Variants in CPZ observed in about 807,000 individuals in gnomAD.
CPZ encodes the protein VEZT/CPZ fusion.
A neutral mutation model predicts 61.8 loss-of-function variants in CPZ; 103 were observed. The ratio of observed to expected loss-of-function variants is 1.67; its 90% CI spans 1.42 to 1.96. The LOEUF is 1.96. CPZ is among the 30% of genes most tolerant of loss of function. The pLI is 0.00. For missense variants in CPZ, 1,461 were observed against 914.9 expected (o/e 1.60, Z -7.70); for synonymous variants, 551 against 373.7 (o/e 1.47, Z -5.47).
chr4:8,612,192 G>GC (rs748050309), intron 8 of CPZ, 30 bp downstream of exon 8: 1 of 356,514 alleles, frequency 2.8e-6, no homozygotes, highest in South Asian at 4.8e-5. Context: ...GGACTGGGCG[G>GC]GGGGTGGGGG....
At chr4:8,606,928 C>G in intron 6 of CPZ, 30 bp downstream of exon 6, 1 of 1,563,524 alleles carries the variant, frequency 6.4e-7, no homozygotes, top group Non-Finnish European at 8.7e-7. Flanking sequence ...ATGCTGGTCT[C>G]CACCAAGGCA....
intron 8 of CPZ, among the ~76,000 whole-genome samples, chr4:8,612,916 T>C (rs1577125437): frequency 6.6e-6 from 1 of 152,172 alleles, no homozygotes; most frequent in Non-Finnish European, 1.5e-5. Flanking sequence ...GCAGAGAAGG[T>C]GGCACTTCTT....
chr4:8,608,123 T>G (rs1273934314), intron 7 of CPZ, among the ~76,000 whole-genome samples: 1 of 132,914 alleles, frequency 7.5e-6, no homozygotes, highest in Non-Finnish European at 1.6e-5. Flanking sequence ...TGATCTGAGG[T>G]GGGCCCCAGC....
rs1279761468 is a variant in CPZ at position 8,603,982 on chromosome 4, T to G, written c.503T>G (p.Leu168Arg). ...YDPLEKLRGGLEADEALPSGL... is the reference protein window; with the variant it reads ...YDPLEKLRGGREADEALPSGL... ...CCCCCCACTGCTCCCCCAGGAGGCC[T>G]GGAGGCTGACGAGGCACTGCCCTCA... Residue 168 changes from leucine to arginine, a missense_variant, in exon 4 of 11, where the codon CTG becomes CGG. Transcript: ENST00000360986. The G allele has an allele frequency of 6.2e-7, 1 of 1,611,936 alleles. No homozygotes were observed. Among genetic ancestry groups the G allele is most frequent in the Non-Finnish European group, 8.5e-7 (1 of 1,179,762 alleles).
intron 6 of CPZ, 59 bp from the exon 7 acceptor site, chr4:8,607,208 A>G: frequency 2.5e-6 from 4 of 1,570,294 alleles, no homozygotes; most frequent in Non-Finnish European, 3.5e-6. Context: ...AGCCCAGGGC[A>G]TGGCTGCGGG....
intron 8 of CPZ, among the ~76,000 whole-genome samples, chr4:8,614,130 T>A (rs1378581229): frequency 1.3e-5 from 2 of 152,206 alleles, no homozygotes; most frequent in Non-Finnish European, 2.9e-5. Flanking sequence ...GATCATATGG[T>A]CCACCTTGCA....
chr4:8,599,425 C>T (rs1714410162), intron 1 of CPZ, 28 bp from the exon 2 acceptor site: 1 of 1,596,090 alleles, frequency 6.3e-7, no homozygotes, highest in Non-Finnish European at 8.6e-7. Context: ...GAGGCAGGTC[C>T]CTAACAGTGC....
chr4:8,606,163 G>A lies in CPZ; in HGVS notation c.884G>A (p.Gly295Asp), dbSNP rs1045936412. The A allele has an allele frequency of 3.7e-6, 6 of 1,613,850 alleles. No individual in the cohort carries two copies. In the Admixed American group the frequency reaches 6.7e-5, roughly 18 times the overall value. Reference protein sequence around the residue: ...IHLLPSMNPDGYEVAAAEGAG... With the variant: ...IHLLPSMNPDDYEVAAAEGAG... ...CTGCTGCCCTCCATGAACCCTGACG[G>A]CTATGAGGTGGCAGCTGCCGAGGTG... is the stretch of plus-strand genomic sequence containing the variant. The change falls in exon 5 of 11, where the codon GGC (glycine) becomes GAC (aspartate). Residue 295 changes from glycine to aspartate, a missense_variant. Physicochemically the swap from Gly to Asp is moderately conservative, Grantham distance 94. Transcript: ENST00000360986.
In CPZ at chr4:8,611,381, T is replaced by A. The variant is rs192440204; in HGVS notation, c.1228-646T>A. ...GCTCTGGGCTGGGAAGGGAAGCCTGTGGGGAGGGACCCAGGATCCCAGCCA... is the reference window on the plus strand; with the variant it reads ...GCTCTGGGCTGGGAAGGGAAGCCTGAGGGGAGGGACCCAGGATCCCAGCCA... On this transcript the variant is annotated intron_variant, in intron 7 of 10. Coordinates refer to ENST00000360986, the MANE Select transcript of CPZ (RefSeq NM_001014447.3). 2.0e-3 allele frequency: 850 copies of A among 431,670 alleles called. 3 individuals are homozygous for A. The highest frequency in any genetic ancestry group is 3.7e-3 in the Non-Finnish European group (766 of 208,616). The allele number at this position is 431,670 out of a possible 1,614,324, so 26.7% of individuals were successfully genotyped here. A position where few individuals can be genotyped will look rare whatever the true frequency, so the allele number is the denominator to read the frequency against.
At chr4:8,604,227 G>T (rs760344748) in intron 4 of CPZ, 39 bp downstream of exon 4, 2 of 1,489,218 alleles carry the variant, frequency 1.3e-6, no homozygotes, top group African/African-American at 1.4e-5. Flanking sequence ...GCCCCGTTTC[G>T]GGAAAGGGCT....
rs377478120 is a variant in CPZ, at chr4:8,606,816, C to A, written c.986C>A (p.Thr329Lys). 21 of 1,613,990 alleles carry A rather than the reference C, an allele frequency of 1.3e-5. No individual in the cohort carries two copies. Among genetic ancestry groups the A allele is most frequent in the Non-Finnish European group, 1.6e-5 (19 of 1,180,014 alleles). ...LDLNRNFPDL[T>K]SEYYRLAETR... ...CTGAACCGAAATTTCCCGGACCTGA[C>A]GTCCGAGTACTACCGGCTGGCGGAG... Residue 329 changes from threonine to lysine, a missense_variant, in exon 6 of 11, where the codon ACG (threonine) becomes AAG (lysine). Transcript: ENST00000360986.
Position 8,619,609 on chromosome 4 carries a change from A to G in CPZ, c.1951A>G (p.Lys651Glu). 5 of 1,502,096 alleles carry G rather than the reference A, an allele frequency of 3.3e-6. No individual in the cohort carries two copies. Among genetic ancestry groups the G allele is most frequent in the Non-Finnish European group, 3.6e-6 (4 of 1,126,706 alleles). The allele number at this position is 1,502,096 out of a possible 1,614,324, so 93.0% of individuals were successfully genotyped here. The change falls in exon 11 of 11, where the codon AAG (lysine) becomes GAG (glutamate). Residue 651 changes from lysine to glutamate, a missense_variant. Lys to Glu is a moderately conservative substitution (Grantham distance 56). Coordinates refer to ENST00000360986, the MANE Select transcript of CPZ (RefSeq NM_001014447.3). ...LSTHRPRWLL[K>E]Y is the part of the protein sequence containing the mutation. The stretch of plus-strand genomic sequence containing the variant: ...CACCCACAGGCCACGCTGGCTGCTC[A>G]AGTACTAGCCCCGGCCCCAGCACCC...
intron 9 of CPZ, among the ~76,000 whole-genome samples, chr4:8,615,723 T>G (rs1716108578): frequency 1.3e-5 from 2 of 152,022 alleles, no homozygotes; most frequent in South Asian, 4.1e-4. Context: ...GGTCAGAGAG[T>G]GACATGGCCT....
chr4:8,608,332 G>A (rs910338159), intron 7 of CPZ, among the ~76,000 whole-genome samples: 1 of 152,170 alleles, frequency 6.6e-6, no homozygotes, highest in Non-Finnish European at 1.5e-5. Flanking sequence ...CTTGGTGTTT[G>A]GGGGAAGGAG....
chr4:8,605,093 C>G (rs753296814), intron 4 of CPZ, among the ~76,000 whole-genome samples: 1 of 152,196 alleles, frequency 6.6e-6, no homozygotes, highest in Non-Finnish European at 1.5e-5. Flanking sequence ...AGGTAACCAG[C>G]GCAGAAAGCT....
At chr4:8,617,989 C>T (rs1716337720) in intron 9 of CPZ, 1 of 197,198 alleles carries the variant, frequency 5.1e-6, no homozygotes, top group Admixed American at 5.3e-5. Flanking sequence ...AACCGCGCTG[C>T]TCGAGCGAGG....
intron 9 of CPZ, among the ~76,000 whole-genome samples, chr4:8,615,962 C>T (rs79298483): frequency 0.036 from 5,511 of 152,312 alleles, 146 homozygotes; most frequent in Non-Finnish European, 0.054. Context: ...TGTGGCGAGT[C>T]CCATTCTTCT....
At chr4:8,604,923 A>G (rs568033249) in intron 4 of CPZ, among the ~76,000 whole-genome samples, 2 of 152,210 alleles carry the variant, frequency 1.3e-5, no homozygotes, top group African/African-American at 2.4e-5. Flanking sequence ...CAAAGGCTCT[A>G]TCTCTTACCA....
intron 1 of CPZ, among the ~76,000 whole-genome samples, chr4:8,594,173 G>A (rs1714005319): frequency 6.6e-6 from 1 of 152,210 alleles, no homozygotes; most frequent in South Asian, 2.1e-4. Flanking sequence ...GCATCGGCAA[G>A]TGTTTCTGGG....
Sources: allele counts gnomAD v4.1 joint callset (sites outside exome capture counted in the v4.1 genomes callset), GRCh38; gene constraint gnomAD v4.1.1; transcripts MANE v1.5; gene names NCBI Gene and HGNC (gene_info 2026-07-23, HGNC 2026-07-21).